Variants in CEP164 observed in about 807,000 individuals in gnomAD.
The protein encoded by CEP164 is centrosomal protein 164.
Under a neutral mutation model 182.7 loss-of-function variants are expected in CEP164, and 162 were observed. That is an observed-to-expected ratio of 0.89 (90% CI 0.78 to 1.01). The LOEUF (loss-of-function observed/expected upper bound fraction) is 1.01. CEP164 is among the 50% of genes least tolerant of loss of function. CEP164 has a pLI of 0.00. For missense variants in CEP164, 1,735 were observed against 1,790.4 expected (o/e 0.97, Z 0.56); for synonymous variants, 661 against 690.0 (o/e 0.96, Z 0.66).
chr11:117,350,384 T>A (rs935556954), intron 4 of CEP164, among the ~76,000 whole-genome samples: 7 of 152,216 alleles, frequency 4.6e-5, no homozygotes, highest in African/African-American at 1.7e-4. Flanking sequence ...TTTTTATTTC[T>A]TGTAGAAACA....
intron 11 of CEP164, among the ~76,000 whole-genome samples, chr11:117,379,621 G>T (rs998620824): frequency 2.0e-5 from 3 of 152,148 alleles, no homozygotes; most frequent in African/African-American, 7.2e-5. Flanking sequence ...TGGGCCTTAC[G>T]TATATGAGCT....
chr11:117,328,769 A>G lies in CEP164; in HGVS notation c.-98+865A>G, dbSNP rs560927138. On this transcript the variant is annotated intron_variant, in intron 1 of 32. Coordinates refer to ENST00000278935, the MANE Select transcript of CEP164 (RefSeq NM_014956.5). Reference sequence around the variant, plus strand: ...ATTTATTCATCTAATAAATACAGCAAACATTTGTCGGACATGCCCTGTCTT... The same window carrying G: ...ATTTATTCATCTAATAAATACAGCAGACATTTGTCGGACATGCCCTGTCTT... Among the ~76,000 whole-genome samples the G allele has an allele frequency of 2.8e-4, 43 of 152,346 alleles. No homozygotes were observed. The South Asian group carries it at 8.1e-3, about 29-fold the overall frequency.
At position 117,397,267 on chromosome 11, in the gene CEP164, C is replaced by T; in HGVS notation, c.3455C>T (p.Pro1152Leu). ...LASAQEVAKD[P>L]PGIKALEDMR... ...AGTGCGCAGGAGGTGGCCAAAGACC[C>T]ACCAGGCATCAAGGCCCTGGAAGAT... The change falls in exon 27 of 33, where the codon CCA becomes CTA. Residue 1152 changes from proline (P) to leucine (L), a missense_variant. Physicochemically the swap from Pro to Leu is moderately conservative, Grantham distance 98. Transcript: ENST00000278935. 1.9e-6 allele frequency: 3 copies of T among 1,613,974 alleles called. No individual in the cohort carries two copies. Among genetic ancestry groups the T allele is most frequent in the Non-Finnish European group, 2.5e-6 (3 of 1,180,020 alleles).
At chr11:117,408,088 G>A in intron 28 of CEP164, 56 bp downstream of exon 28, 2 of 1,372,762 alleles carry the variant, frequency 1.5e-6, no homozygotes, top group Admixed American at 4.0e-5. Flanking sequence ...TTCTGTTCTT[G>A]GGATTGGGTT....
rs2136360148 is a variant in CEP164, at chr11:117,392,615, G to A, written c.2481G>A (p.Gly827=). 6.2e-7 allele frequency: 1 copy of A among 1,614,054 alleles called. No individual in the cohort carries two copies. Among genetic ancestry groups the A allele is most frequent in the Non-Finnish European group, 8.5e-7 (1 of 1,179,986 alleles). ...RVHQKSYHVA[G]YEHELSSLLR... ...ACCAGAAGTCTTATCACGTGGCTGG[G>A]TATGAGCACGAGGTGAGTGCTGCTC... Residue 827 remains glycine, a synonymous_variant, in exon 19 of 33, where the codon GGG becomes GGA. Coordinates refer to ENST00000278935, the MANE Select transcript of CEP164 (RefSeq NM_014956.5).
intron 27 of CEP164, among the ~76,000 whole-genome samples, chr11:117,403,868 T>C (rs2046404431): frequency 6.6e-6 from 1 of 152,078 alleles, no homozygotes; most frequent in African/African-American, 2.4e-5. Context: ...CATTCTTTTT[T>C]CTCTAATCTT....
Position 117,408,167 on chromosome 11 carries a change from A to G in CEP164, c.3609+135A>G, listed in dbSNP as rs776942348. 37 of 593,030 alleles carry G rather than the reference A, an allele frequency of 6.2e-5. 1 individual carries two copies. Among genetic ancestry groups the G allele is most frequent in the Non-Finnish European group, 9.2e-5 (31 of 336,106 alleles). The allele number at this position is 593,030 out of a possible 1,614,324, so 36.7% of individuals were successfully genotyped here. ...CCAGGATTGGGCAGTAGGCTTGTCT[A>G]CTGGCTGATGAAGGTGGCAGTGGCT... On this transcript the variant is annotated intron_variant, in intron 28 of 32. Transcript: ENST00000278935.
chr11:117,371,491 G>GGGGTT, intron 9 of CEP164, 25 bp downstream of exon 9: 1 of 1,584,398 alleles, frequency 6.3e-7, no homozygotes, highest in South Asian at 1.2e-5. Flanking sequence ...CCCATAGGCA[G>GGGGTT]GGGTTGGCTG....
chr11:117,410,936 CG>C (rs766202405), intron 31 of CEP164, 42 bp downstream of exon 31: 2 of 1,573,064 alleles, frequency 1.3e-6, no homozygotes, highest in East Asian at 2.3e-5. Context: ...ACGTCATAGT[CG>C]AGCTGCTCAC....
Position 117,411,745 on chromosome 11 carries a change from A to G in CEP164, c.4164-50A>G. ...TGATGGCCTCTGTGCATCCTCTGTC[A>G]CTTCCGCGCCTCCTCTCTCCCCTCG... On this transcript the variant is annotated intron_variant, in intron 31 of 32. Coordinates refer to ENST00000278935, the MANE Select transcript of CEP164 (RefSeq NM_014956.5). This position sits in a 1 kb window ranked among gnomAD's most constrained non-coding sequence, Gnocchi z 4.4. 6.2e-7 allele frequency: 1 copy of G among 1,609,476 alleles called. No homozygotes were observed. The highest frequency in any genetic ancestry group is 8.5e-7 in the Non-Finnish European group (1 of 1,177,696).
In CEP164 at chr11:117,382,731, C is replaced by T. The variant is rs775869928; in HGVS notation, c.1578-65C>T. On this transcript the variant is annotated intron_variant, in intron 13 of 32. Transcript: ENST00000278935. ...GTCATAGCTCTTTGACCCCAAATGG[C>T]GTACATCTTAAGCCTCTTGCTTTCT... 56 of 1,558,088 alleles carry T rather than the reference C, an allele frequency of 3.6e-5. 1 individual carries two copies. The Middle Eastern group carries it at 6.9e-4, about 19-fold the overall frequency.
Position 117,346,104 on chromosome 11 carries a change from A to G in CEP164, c.194+1827A>G, listed in dbSNP as rs78160128. On this transcript the variant is annotated intron_variant, in intron 4 of 32. Transcript: ENST00000278935. ...GCTTCTGGTCATGTTTGTAGGATGA[A>G]TTTATAGGAGTGGCTTCTGTTTCCA... Among the ~76,000 whole-genome samples, 930 of 152,234 alleles carry G rather than the reference A, an allele frequency of 6.1e-3. 8 individuals carry two copies. The highest frequency in any genetic ancestry group is 0.021 in the African/African-American group (870 of 41,542).
In CEP164 at chr11:117,349,243, G is replaced by A. The variant is rs749520222; in HGVS notation, c.195-2547G>A. On this transcript the variant is annotated intron_variant, in intron 4 of 32. Transcript: ENST00000278935. The stretch of plus-strand genomic sequence containing the variant: ...TCACCATGTTGGCCAGGCTGGTCTC[G>A]AACTCCCGACCTCTGCCTCCCAAAG... 2.6e-5 allele frequency among the ~76,000 whole-genome samples: 4 copies of A among 151,956 alleles called. No homozygotes were observed. In the East Asian group the frequency reaches 5.8e-4, roughly 22 times the overall value.
rs1194889448 is a variant in CEP164 at position 117,396,176 on chromosome 11, G to A, written c.3212G>A (p.Gly1071Glu). 1.0e-5 allele frequency: 8 copies of A among 764,656 alleles called. No homozygotes were observed. The highest frequency in any genetic ancestry group is 1.7e-5 in the Non-Finnish European group (8 of 473,636). The allele number at this position is 764,656 out of a possible 1,614,324, so 47.4% of individuals were successfully genotyped here. ...ATTGAGGACCTGAGGAAATCCCTTG[G>A]AACAGTGAGCTGGGGGCTGGGGCCT... Reference protein sequence around the residue: ...LHIEDLRKSLGTNQTKEVSSS... With the variant: ...LHIEDLRKSLETNQTKEVSSS... The change falls in exon 25 of 33, where the codon GGA (glycine) becomes GAA (glutamate). Residue 1071 changes from glycine to glutamate, a missense_variant. Physicochemically the swap from Gly to Glu is moderately conservative, Grantham distance 98. Coordinates refer to ENST00000278935, the MANE Select transcript of CEP164 (RefSeq NM_014956.5).
intron 8 of CEP164, among the ~76,000 whole-genome samples, chr11:117,370,184 C>G (rs1308791171): frequency 6.6e-5 from 10 of 152,232 alleles, no homozygotes; most frequent in Non-Finnish European, 1.3e-4. Context: ...CTAACCCTAA[C>G]TTGGCATCTG....
rs765549940 is a variant in CEP164 at position 117,395,624 on chromosome 11, C to T, written c.2991C>T (p.Leu997=). The part of the protein sequence containing the change: ...HTHLLQSNQQ[L]REILDELQAR... ...ACCTGTTGCAGTCAAACCAGCAGCT[C>T]CGAGAAATTCTTGATGAGCTGCAGG... The change falls in exon 24 of 33, where the codon CTC becomes CTT. Residue 997 remains leucine (L), a synonymous_variant. Coordinates refer to ENST00000278935, the MANE Select transcript of CEP164 (RefSeq NM_014956.5). 6.2e-7 allele frequency: 1 copy of T among 1,613,944 alleles called. No homozygotes were observed. The highest frequency in any genetic ancestry group is 1.7e-5 in the Admixed American group (1 of 60,014).
chr11:117,326,371 T>G (rs1384104545), upstream of CEP164, among the ~76,000 whole-genome samples: 1 of 152,188 alleles, frequency 6.6e-6, no homozygotes, highest in African/African-American at 2.4e-5. Context: ...CAGCTGGGAC[T>G]ACAGGCGTGT....
At chr11:117,345,563 CT>C (rs2038767792) in intron 4 of CEP164, among the ~76,000 whole-genome samples, 1 of 152,218 alleles carries the variant, frequency 6.6e-6, no homozygotes, top group African/African-American at 2.4e-5. Flanking sequence ...CGTAATCATC[CT>C]GTTCTTGTTC....
rs116970127 is a variant in CEP164, at chr11:117,356,346, C to T, written c.393+4358C>T. 3.1e-5 allele frequency: 36 copies of T among 1,164,436 alleles called. No homozygotes were observed. In the East Asian group the frequency reaches 2.5e-3, roughly 80 times the overall value. 72.1% of individuals were successfully genotyped at this position (1,164,436 alleles called of 1,614,324 possible). A position where few individuals can be genotyped will look rare whatever the true frequency, so the allele number is the denominator to read the frequency against. ...ATGCCGTGCAGACACAGCGCCAGCA[C>T]AGTCTGTTGCATGGCAGCTGAGTCT... On this transcript the variant is annotated intron_variant, in intron 5 of 32. Coordinates refer to ENST00000278935, the MANE Select transcript of CEP164 (RefSeq NM_014956.5).
Sources: gnomAD v4.1 joint callset for allele counts (sites outside exome capture counted in the v4.1 genomes callset) on GRCh38, gnomAD v4.1.1 for gene constraint, Gnocchi (gnomAD v3.1) non-coding constraint, MANE v1.5 for transcripts, NCBI Gene and HGNC (gene_info 2026-07-23, HGNC 2026-07-21) for gene names.